The following CACNG5 variants were observed in gnomAD, a reference collection of about 807,000 sequenced individuals.
CACNG5 encodes the protein voltage-dependent calcium channel gamma-5 subunit.
A neutral mutation model predicts 24.8 loss-of-function variants in CACNG5; 18 were observed. The ratio of observed to expected loss-of-function variants is 0.73; its 90% confidence interval spans 0.50 to 1.08. The LOEUF (loss-of-function observed/expected upper bound fraction) is 1.08. CACNG5 is among the 50% of genes least tolerant of loss of function. The pLI, the probability that CACNG5 is intolerant of heterozygous loss-of-function variation, is 0.00. For missense variants in CACNG5, 349 were observed against 367.9 expected (o/e 0.95, Z 0.42); for synonymous variants, 157 against 149.1 (o/e 1.05, Z -0.39).
intron 1 of CACNG5, among the ~76,000 whole-genome samples, chr17:66,861,895 A>G (rs1261190277): frequency 6.6e-6 from 1 of 152,238 alleles, no homozygotes; most frequent in Non-Finnish European, 1.5e-5. Flanking sequence ...AATCTAAGGA[A>G]GAAGAAAGCA....
chr17:66,858,556 G>A (rs1035836128), intron 1 of CACNG5, among the ~76,000 whole-genome samples: 1 of 152,196 alleles, frequency 6.6e-6, no homozygotes, highest in African/African-American at 2.4e-5. Context: ...CAAGCAGGAG[G>A]GGTGGCATGA....
rs1354189107 is a variant in CACNG5, at chr17:66,856,500, A to G, written c.-103-20730A>G. 1.9e-4 allele frequency among the ~76,000 whole-genome samples: 29 copies of G among 151,828 alleles called. 1 individual carries two copies. The highest frequency in any genetic ancestry group is 1.9e-3 in the Admixed American group (29 of 15,262). On this transcript the variant is annotated intron_variant, in intron 1 of 5. Coordinates refer to ENST00000533854, the MANE Select transcript of CACNG5 (RefSeq NM_145811.3). Reference sequence around the variant, plus strand: ...CTGACATTGATATAGTCAAGGATATAGAAAATTTCCAACATAACAAGGATC... The same window carrying G: ...CTGACATTGATATAGTCAAGGATATGGAAAATTTCCAACATAACAAGGATC...
At chr17:66,879,203 C>A in intron 3 of CACNG5, 145 bp downstream of exon 3, 1 of 563,906 alleles carries the variant, frequency 1.8e-6, no homozygotes. Context: ...TAGAGATGAT[C>A]CACTAGAGCT....
At chr17:66,872,086 G>A (rs1977015831) in intron 1 of CACNG5, among the ~76,000 whole-genome samples, 1 of 152,130 alleles carries the variant, frequency 6.6e-6, no homozygotes, top group South Asian at 2.1e-4. Context: ...AAGCTTTGTT[G>A]AGCACAGAGA....
intron 1 of CACNG5, among the ~76,000 whole-genome samples, chr17:66,857,069 T>G (rs1426706727): frequency 7.5e-6 from 1 of 133,876 alleles, no homozygotes; most frequent in Non-Finnish European, 1.6e-5. Flanking sequence ...TTTTAAGTTT[T>G]TTTTTTTTTT....
chr17:66,864,109 T>C (rs576950804), intron 1 of CACNG5, among the ~76,000 whole-genome samples: 13 of 152,308 alleles, frequency 8.5e-5, no homozygotes, highest in African/African-American at 3.1e-4. Context: ...CCTTGGGGAA[T>C]CTGTTAGATA....
At chr17:66,851,281 T>A (rs1011513416) in intron 1 of CACNG5, among the ~76,000 whole-genome samples, 1 of 152,146 alleles carries the variant, frequency 6.6e-6, no homozygotes, top group Non-Finnish European at 1.5e-5. Flanking sequence ...AGATCCTGGA[T>A]TGATGGAACT....
At chr17:66,866,572 C>T (rs923153729) in intron 1 of CACNG5, among the ~76,000 whole-genome samples, 4 of 151,920 alleles carry the variant, frequency 2.6e-5, no homozygotes, top group African/African-American at 9.7e-5. Context: ...GGTATTAAGC[C>T]CTGCATGCTT....
chr17:66,885,339 A>G lies in CACNG5; in HGVS notation c.*99A>G. On this transcript the variant is annotated 3_prime_UTR_variant, in exon 6 of 6. Coordinates refer to ENST00000533854, the MANE Select transcript of CACNG5 (RefSeq NM_145811.3). Reference sequence around the variant, plus strand: ...CCCCAGGCCTGTGGTTGACAGGCCCAGGCCACCCATGCTTAGCTGTTGTCA... The same window carrying G: ...CCCCAGGCCTGTGGTTGACAGGCCCGGGCCACCCATGCTTAGCTGTTGTCA... The G allele has an allele frequency of 1.4e-6, 2 of 1,400,842 alleles. No individual in the cohort carries two copies. Among genetic ancestry groups the G allele is most frequent in the Non-Finnish European group, 1.9e-6 (2 of 1,044,714 alleles). 86.8% of individuals were successfully genotyped at this position (1,400,842 alleles called of 1,614,324 possible).
At chr17:66,840,902 C>T (rs756618886) in intron 1 of CACNG5, among the ~76,000 whole-genome samples, 1 of 152,136 alleles carries the variant, frequency 6.6e-6, no homozygotes, top group Non-Finnish European at 1.5e-5. Flanking sequence ...AAGTGGCTAT[C>T]GGAGGTGGTG....
intron 1 of CACNG5, among the ~76,000 whole-genome samples, chr17:66,875,896 T>G (rs1379701630): frequency 6.6e-6 from 1 of 152,218 alleles, no homozygotes; most frequent in African/African-American, 2.4e-5. Flanking sequence ...CTTCTAGAGA[T>G]GGCTCTGCCT....
At chr17:66,860,498 GC>G (rs1976839128) in intron 1 of CACNG5, among the ~76,000 whole-genome samples, 1 of 150,452 alleles carries the variant, frequency 6.6e-6, no homozygotes, top group South Asian at 2.1e-4. Flanking sequence ...TATTTAAAGT[GC>G]TGGAAGAAAA....
At position 66,836,144 on chromosome 17, in the gene CACNG5, C is replaced by T. The variant is rs369338852; in HGVS notation, c.-104+894C>T. On this transcript the variant is annotated intron_variant, in intron 1 of 5. Coordinates refer to ENST00000533854, the MANE Select transcript of CACNG5 (RefSeq NM_145811.3). The stretch of plus-strand genomic sequence containing the variant: ...TGCCTCCGGTACCTGCCAGGCACGC[C>T]GGTGGTTAAGGAAGCCCTTGTTCCC... Among the ~76,000 whole-genome samples the T allele has an allele frequency of 4.7e-4, 72 of 152,292 alleles. 1 individual carries two copies. Among genetic ancestry groups the T allele is most frequent in the African/African-American group, 1.5e-3 (64 of 41,570 alleles).
intron 1 of CACNG5, among the ~76,000 whole-genome samples, chr17:66,873,898 G>A (rs1402847485): frequency 5.3e-5 from 8 of 150,918 alleles, no homozygotes; most frequent in African/African-American, 2.0e-4. Context: ...TGTGCAATGC[G>A]GTTCTTCAAG....
Position 66,890,897 on chromosome 17 carries a change from A to G in CACNG5, c.*5657A>G, listed in dbSNP as rs1253703817. 6.6e-6 allele frequency among the ~76,000 whole-genome samples: 1 copy of G among 152,210 alleles called. No homozygotes were observed. Among genetic ancestry groups the G allele is most frequent in the Non-Finnish European group, 1.5e-5 (1 of 68,032 alleles). On this transcript the variant is annotated 3_prime_UTR_variant, in exon 6 of 6. Coordinates refer to ENST00000533854, the MANE Select transcript of CACNG5 (RefSeq NM_145811.3). ...CCCCTGCCTCCTGATGGAGGCACCC[A>G]GATGACAACACTCCAAAGAATGTGG...
chr17:66,845,504 T>C (rs186056101), intron 1 of CACNG5, among the ~76,000 whole-genome samples: 1 of 150,578 alleles, frequency 6.6e-6, no homozygotes, highest in African/African-American at 2.4e-5. Context: ...AGGAACCAGG[T>C]GACGGAATGG....
chr17:66,847,178 C>T (rs1456699464), intron 1 of CACNG5, among the ~76,000 whole-genome samples: 3 of 152,162 alleles, frequency 2.0e-5, no homozygotes, highest in African/African-American at 7.2e-5. Flanking sequence ...TGTCTGTGTA[C>T]CTGGCACCCT....
chr17:66,845,630 GCAC>G (rs1976629540), intron 1 of CACNG5, among the ~76,000 whole-genome samples: 1 of 152,066 alleles, frequency 6.6e-6, no homozygotes, highest in Non-Finnish European at 1.5e-5. Flanking sequence ...CTTGCCCCCT[GCAC>G]TGCCAACATC....
At chr17:66,865,796 A>ATT (rs35187215) in intron 1 of CACNG5, among the ~76,000 whole-genome samples, 203 of 129,820 alleles carry the variant, frequency 1.6e-3, no homozygotes, top group East Asian at 6.2e-3. Context: ...TGCACGGCTA[A>ATT]TTTTTTTTTT....
Sources: allele counts gnomAD v4.1 joint callset (sites outside exome capture counted in the v4.1 genomes callset), GRCh38; gene constraint gnomAD v4.1.1; transcripts MANE v1.5; gene names NCBI Gene and HGNC (gene_info 2026-07-23, HGNC 2026-07-21).